The following BST1 variants were observed in gnomAD, a reference collection of about 807,000 sequenced individuals.
BST1 encodes the protein bone marrow stromal cell antigen 1.
BST1 carries 49 observed loss-of-function variants against 40.6 expected under a neutral mutation model. The ratio of observed to expected loss-of-function variants is 1.21; its 90% CI spans 0.96 to 1.53. BST1 has a LOEUF of 1.53. Among genes scored for constraint, BST1 ranks in the 40% most tolerant of loss-of-function variants. The probability of loss-of-function intolerance (pLI) is 0.00; values close to 1 mark genes in which losing one functional copy is unlikely to be tolerated. For missense variants in BST1, 423 were observed against 395.9 expected, an observed-to-expected ratio of 1.07 and a Z score of -0.58; for synonymous variants, 157 against 159.3, an observed-to-expected ratio of 0.99 and a Z score of 0.11.
chr4:15,748,889 C>T, the BST1 span, among the ~76,000 whole-genome samples: 3 of 152,180 alleles, frequency 2.0e-5, no homozygotes, highest in African/African-American at 7.2e-5. Flanking sequence ...CTTTCTCTTT[C>T]TTCCATCATA....
the BST1 span, among the ~76,000 whole-genome samples, chr4:15,765,962 A>G: frequency 6.6e-6 from 1 of 152,024 alleles, no homozygotes; most frequent in Non-Finnish European, 1.5e-5. Context: ...ACCCAGTACT[A>G]AAATAGTTCA....
At chr4:15,744,835 G>A in the BST1 span, among the ~76,000 whole-genome samples, 2 of 152,192 alleles carry the variant, frequency 1.3e-5, no homozygotes, top group Non-Finnish European at 1.5e-5. Context: ...CAAGGATAAT[G>A]AATGTTCAAA....
the BST1 span, among the ~76,000 whole-genome samples, chr4:15,753,123 C>T: frequency 6.6e-6 from 1 of 151,798 alleles, no homozygotes; most frequent in Non-Finnish European, 1.5e-5. Flanking sequence ...AGTGGCTGTC[C>T]TCTTAGCATT....
At chr4:15,760,017 C>G in the BST1 span, among the ~76,000 whole-genome samples, 1 of 152,000 alleles carries the variant, frequency 6.6e-6, no homozygotes, top group African/African-American at 2.4e-5. Flanking sequence ...AGTTTTGTGA[C>G]TATCACACAA....
At chr4:15,753,875 G>A in the BST1 span, among the ~76,000 whole-genome samples, 343 of 152,354 alleles carry the variant, frequency 2.3e-3, 2 homozygotes, top group African/African-American at 8.0e-3. Context: ...CGGAAGGAGA[G>A]AGTCCCATGG....
chr4:15,771,483 A>G, the BST1 span, among the ~76,000 whole-genome samples: 4 of 152,254 alleles, frequency 2.6e-5, no homozygotes, highest in Non-Finnish European at 5.9e-5. Context: ...AGCAGAAGTA[A>G]GGGGCTATAG....
At chr4:15,743,897 A>T in the BST1 span, among the ~76,000 whole-genome samples, 1 of 152,202 alleles carries the variant, frequency 6.6e-6, no homozygotes, top group Non-Finnish European at 1.5e-5. Flanking sequence ...AGTAAACAGC[A>T]TCTGTCCCAC....
downstream of BST1, among the ~76,000 whole-genome samples, chr4:15,738,556 G>A (rs1373976257): frequency 6.6e-6 from 1 of 152,110 alleles, no homozygotes; most frequent in Non-Finnish European, 1.5e-5. Flanking sequence ...ATATATGTTG[G>A]AAGGCAAGAG....
the BST1 span, among the ~76,000 whole-genome samples, chr4:15,768,147 T>C: frequency 2.1e-4 from 32 of 152,340 alleles, no homozygotes; most frequent in East Asian, 5.2e-3. Context: ...TGTTAGGCAA[T>C]CTGGACTTTC....
chr4:15,736,783 T>TA (rs1721583483), downstream of BST1, among the ~76,000 whole-genome samples: 1 of 152,282 alleles, frequency 6.6e-6, no homozygotes, highest in East Asian at 1.9e-4. Context: ...CTCGAAGCCT[T>TA]ACTTAGTTCC....
chr4:15,744,454 C>A, the BST1 span, among the ~76,000 whole-genome samples: 1 of 152,204 alleles, frequency 6.6e-6, no homozygotes. Flanking sequence ...TGAGAACTCA[C>A]TCACCATCAG....
At chr4:15,726,171 C>T (rs1721104568) in intron 8 of BST1, among the ~76,000 whole-genome samples, 1 of 135,664 alleles carries the variant, frequency 7.4e-6, no homozygotes, top group South Asian at 2.4e-4. Flanking sequence ...GATGAGGTCT[C>T]ACTATATTGC....
At chr4:15,736,745 T>G (rs183130050), downstream of BST1, among the ~76,000 whole-genome samples, 24 of 152,344 alleles carry the variant, frequency 1.6e-4, no homozygotes, top group African/African-American at 5.5e-4. Flanking sequence ...CATAAGCCTT[T>G]GGATCTGGTA....
At chr4:15,736,812 G>GTC (rs1472428368), downstream of BST1, among the ~76,000 whole-genome samples, 2 of 152,008 alleles carry the variant, frequency 1.3e-5, no homozygotes, top group Admixed American at 6.6e-5. Context: ...TTGTTTTTAT[G>GTC]TCTCTCTCTC....
chr4:15,720,918 G>GT (rs1207192877), intron 7 of BST1, among the ~76,000 whole-genome samples: 1 of 152,210 alleles, frequency 6.6e-6, no homozygotes, highest in East Asian at 1.9e-4. Context: ...ACTTTGCTTT[G>GT]TTTTTATGTC....
chr4:15,754,653 G>C, the BST1 span, among the ~76,000 whole-genome samples: 1 of 152,082 alleles, frequency 6.6e-6, no homozygotes, highest in South Asian at 2.1e-4. Flanking sequence ...CTGAAAAGAT[G>C]GAAAAAACGG....
the BST1 span, among the ~76,000 whole-genome samples, chr4:15,771,010 T>A: frequency 2.0e-5 from 3 of 152,192 alleles, no homozygotes; most frequent in African/African-American, 7.2e-5. Flanking sequence ...TATACAGGGA[T>A]TCCTCAAGGC....
chr4:15,766,090 G>A, the BST1 span, among the ~76,000 whole-genome samples: 1 of 151,958 alleles, frequency 6.6e-6, no homozygotes, highest in African/African-American at 2.4e-5. Flanking sequence ...CTAAGCACCA[G>A]GGACTTGCTA....
At chr4:15,768,792 G>A in the BST1 span, among the ~76,000 whole-genome samples, 3 of 152,004 alleles carry the variant, frequency 2.0e-5, no homozygotes, top group Non-Finnish European at 4.4e-5. Flanking sequence ...CACCGCGCCC[G>A]GCCGATGGAC....
Sources: gnomAD v4.1 joint callset for allele counts (sites outside exome capture counted in the v4.1 genomes callset) on GRCh38, gnomAD v4.1.1 for gene constraint, MANE v1.5 for transcripts, NCBI Gene and HGNC (gene_info 2026-07-23, HGNC 2026-07-21) for gene names.